Variants in PTPRD observed in about 807,000 individuals in gnomAD.
The protein encoded by PTPRD is receptor-type tyrosine-protein phosphatase delta.
PTPRD carries 34 observed loss-of-function variants against 214.5 expected under a neutral mutation model. That is an observed-to-expected ratio of 0.16 (90% confidence interval 0.12 to 0.21). PTPRD has a LOEUF of 0.21. PTPRD is among the 10% of genes least tolerant of loss of function. The pLI is 1.00. For synonymous variants in PTPRD, 1,128 were observed against 845.7 expected (o/e 1.33, Z -5.79); for missense variants, 2,545 against 2,398.7 (o/e 1.06, Z -1.27).
chr9:9,514,380 C>G (rs1044878908), intron 8 of PTPRD, among the ~76,000 whole-genome samples: 1 of 151,958 alleles, frequency 6.6e-6, no homozygotes, highest in Non-Finnish European at 1.5e-5. Context: ...TGGCAACTGT[C>G]AGTTTGGAGC....
chr9:9,633,614 C>G (rs1348863133), intron 7 of PTPRD, among the ~76,000 whole-genome samples: 3 of 152,132 alleles, frequency 2.0e-5, no homozygotes, highest in African/African-American at 7.2e-5. Flanking sequence ...TCCCTCAGCT[C>G]AGTCTGGTTA....
chr9:9,255,544 T>C (rs2099977358), intron 9 of PTPRD, among the ~76,000 whole-genome samples: 1 of 152,054 alleles, frequency 6.6e-6, no homozygotes, highest in African/African-American at 2.4e-5. Flanking sequence ...TATGTAACAT[T>C]GGGCAACTCT....
intron 2 of PTPRD, among the ~76,000 whole-genome samples, chr9:10,496,036 T>C (rs749677716): frequency 3.9e-5 from 6 of 151,962 alleles, no homozygotes; most frequent in African/African-American, 1.4e-4. Flanking sequence ...TTTTAAATTA[T>C]TGTATTATTA....
At chr9:10,175,915 A>C (rs1465399833) in intron 3 of PTPRD, among the ~76,000 whole-genome samples, 1 of 152,032 alleles carries the variant, frequency 6.6e-6, no homozygotes, top group Non-Finnish European at 1.5e-5. Context: ...AAGGAAGGTT[A>C]TTCTTAATAG....
intron 11 of PTPRD, among the ~76,000 whole-genome samples, chr9:8,975,996 C>T (rs575036489): frequency 6.6e-6 from 1 of 151,978 alleles, no homozygotes; most frequent in Non-Finnish European, 1.5e-5. Flanking sequence ...TTTGCTTCCA[C>T]TTTGCCATTA....
chr9:9,321,148 T>C (rs761934329), intron 9 of PTPRD, among the ~76,000 whole-genome samples: 1 of 152,182 alleles, frequency 6.6e-6, no homozygotes, highest in Non-Finnish European at 1.5e-5. Context: ...GAAATAAAGA[T>C]ACAAAATTCA....
intron 4 of PTPRD, among the ~76,000 whole-genome samples, chr9:10,028,846 A>C (rs1269952183): frequency 1.3e-5 from 2 of 152,218 alleles, no homozygotes; most frequent in African/African-American, 4.8e-5. Flanking sequence ...TTGCATAAGT[A>C]ATGAGGATTC....
At chr9:8,395,495 A>C (rs2090880589) in intron 36 of PTPRD, among the ~76,000 whole-genome samples, 1 of 152,148 alleles carries the variant, frequency 6.6e-6, no homozygotes, top group South Asian at 2.1e-4. Flanking sequence ...TGGCTGCATC[A>C]GACCTGGTGA....
intron 3 of PTPRD, among the ~76,000 whole-genome samples, chr9:10,130,977 T>C (rs1177522458): frequency 6.6e-6 from 1 of 152,024 alleles, no homozygotes; most frequent in Non-Finnish European, 1.5e-5. Context: ...AAAGAATAGA[T>C]CCCTAAAGCT....
intron 3 of PTPRD, among the ~76,000 whole-genome samples, chr9:10,231,255 G>A (rs532034617): frequency 6.6e-6 from 1 of 151,578 alleles, no homozygotes; most frequent in Non-Finnish European, 1.5e-5. Context: ...TAATGAAAAA[G>A]AGAAAGGAGG....
chr9:9,476,079 A>G (rs886964870), intron 8 of PTPRD, among the ~76,000 whole-genome samples: 29 of 152,196 alleles, frequency 1.9e-4, no homozygotes, highest in African/African-American at 6.3e-4. Context: ...GAAGTTGAGA[A>G]TCCAAAAATT....
At chr9:10,122,663 C>G (rs2098785493) in intron 3 of PTPRD, among the ~76,000 whole-genome samples, 1 of 152,166 alleles carries the variant, frequency 6.6e-6, no homozygotes, top group Non-Finnish European at 1.5e-5. Flanking sequence ...CTTCAGTTTT[C>G]TAAATCATCC....
chr9:8,334,860 C>T (rs1349437255), intron 43 of PTPRD, among the ~76,000 whole-genome samples: 1 of 134,298 alleles, frequency 7.4e-6, no homozygotes, highest in Non-Finnish European at 1.6e-5. Context: ...ATACAAACTA[C>T]CATCAGAGAA....
chr9:9,956,479 G>C (rs894994696), intron 4 of PTPRD, among the ~76,000 whole-genome samples: 1 of 152,010 alleles, frequency 6.6e-6, no homozygotes, highest in African/African-American at 2.4e-5. Context: ...CTGTGGGTTT[G>C]CAAAATAAGT....
At chr9:10,330,950 A>G (rs1337037699) in intron 3 of PTPRD, among the ~76,000 whole-genome samples, 1 of 151,756 alleles carries the variant, frequency 6.6e-6, no homozygotes, top group African/African-American at 2.4e-5. Flanking sequence ...AACATACAAG[A>G]ATTCCAGTTT....
intron 7 of PTPRD, among the ~76,000 whole-genome samples, chr9:9,592,268 G>A (rs2092810666): frequency 6.6e-6 from 1 of 151,964 alleles, no homozygotes; most frequent in African/African-American, 2.4e-5. Context: ...TGCTGTAGAT[G>A]AGTTTGTGTG....
At chr9:9,179,182 G>C (rs1042354505) in intron 10 of PTPRD, among the ~76,000 whole-genome samples, 3 of 151,998 alleles carry the variant, frequency 2.0e-5, no homozygotes, top group Admixed American at 2.0e-4. Context: ...TTCCAGACTA[G>C]ACCTACTTAC....
chr9:8,381,619 A>G (rs955201433), intron 37 of PTPRD, among the ~76,000 whole-genome samples: 1 of 152,212 alleles, frequency 6.6e-6, no homozygotes, highest in Non-Finnish European at 1.5e-5. Context: ...ATATTAAAGC[A>G]TTTGACCACC....
intron 10 of PTPRD, among the ~76,000 whole-genome samples, chr9:9,041,261 G>C (rs1043334839): frequency 4.6e-5 from 7 of 152,068 alleles, no homozygotes; most frequent in Middle Eastern, 3.4e-3. Flanking sequence ...GGTTTGTTAT[G>C]CAGGTAAACT....
Sources: gnomAD v4.1 joint callset for allele counts (sites outside exome capture counted in the v4.1 genomes callset) on GRCh38, gnomAD v4.1.1 for gene constraint, MANE v1.5 for transcripts, NCBI Gene and HGNC (gene_info 2026-07-23, HGNC 2026-07-21) for gene names.